The following AIFM2 variants were observed in gnomAD, a reference collection of about 807,000 sequenced individuals.
AIFM2 encodes ferroptosis suppressor protein 1.
AIFM2 carries 38 observed loss-of-function variants against 35.7 expected under a neutral mutation model. The ratio of observed to expected loss-of-function variants is 1.06; its 90% CI spans 0.82 to 1.39. The LOEUF (loss-of-function observed/expected upper bound fraction) is 1.39. Ranked by LOEUF, AIFM2 falls within the 40% of genes most tolerant of loss-of-function variation. AIFM2 has a pLI of 0.00. For missense variants in AIFM2, 476 were observed against 491.2 expected (o/e 0.97, Z 0.29); for synonymous variants, 185 against 203.5 (o/e 0.91, Z 0.77).
intron 1 of AIFM2, among the ~76,000 whole-genome samples, chr10:70,128,651 C>T (rs976195460): frequency 6.6e-6 from 1 of 152,236 alleles, no homozygotes; most frequent in Admixed American, 6.5e-5. Flanking sequence ...GTGCGAGCCA[C>T]TGTGCCCAGC....
At position 70,123,911 on chromosome 10, in the gene AIFM2, C is replaced by A; in HGVS notation, c.174G>T (p.Glu58Asp). ...HNVAALRASV[E>D]TGFAKKTFIS... ...CCCCAGACGGGAGCACATTACCTGT[C>A]TCCACGGAGGCTCGGAGAGCAGCCA... is the stretch of plus-strand genomic sequence containing the variant. Residue 58 changes from glutamate (E) to aspartate (D), a missense_variant, in exon 2 of 9, where the codon GAG becomes GAT. Transcript: ENST00000307864. The A allele has an allele frequency of 6.3e-7, 1 of 1,579,472 alleles. No individual in the cohort carries two copies. The highest frequency in any genetic ancestry group is 8.6e-7 in the Non-Finnish European group (1 of 1,157,518).
chr10:70,118,258 C>T (rs1301983757), intron 5 of AIFM2: 1 of 220,532 alleles, frequency 4.5e-6, no homozygotes, highest in Non-Finnish European at 8.9e-6. Flanking sequence ...ATGGGCATTC[C>T]AACAGTCAAT....
chr10:70,130,094 G>A (rs1223467283), intron 1 of AIFM2, among the ~76,000 whole-genome samples: 1 of 152,064 alleles, frequency 6.6e-6, no homozygotes, highest in Non-Finnish European at 1.5e-5. Flanking sequence ...GAGGTGGGAG[G>A]ATCGCTTGAG....
chr10:70,114,456 T>G, intron 8 of AIFM2, 127 bp from the exon 9 acceptor site: 1 of 1,206,278 alleles, frequency 8.3e-7, no homozygotes, highest in Non-Finnish European at 1.2e-6. Context: ...TTTAGGAAGG[T>G]GGGTGAGACC....
At chr10:70,123,883 C>G (rs757113594) in intron 2 of AIFM2, 24 bp downstream of exon 2, 3 of 1,511,152 alleles carry the variant, frequency 2.0e-6, no homozygotes, top group Non-Finnish European at 2.7e-6. Context: ...CTCACAGAGA[C>G]AGCCCCAGAC....
chr10:70,114,407 C>G, intron 8 of AIFM2, 78 bp from the exon 9 acceptor site: 1 of 1,567,488 alleles, frequency 6.4e-7, no homozygotes, highest in Non-Finnish European at 8.7e-7. Flanking sequence ...CCGATCCTTC[C>G]CGAGGCCTTC....
intron 1 of AIFM2, among the ~76,000 whole-genome samples, chr10:70,129,047 G>A (rs745964430): frequency 6.6e-6 from 1 of 151,640 alleles, no homozygotes; most frequent in Non-Finnish European, 1.5e-5. Flanking sequence ...CTTAGGGACA[G>A]GGTCTTGCTC....
rs1006084742 is a variant in AIFM2 at position 70,132,734 on chromosome 10, C to T, written c.-14G>A. 6.5e-6 allele frequency: 1 copy of T among 153,006 alleles called. No homozygotes were observed. Among genetic ancestry groups the T allele is most frequent in the African/African-American group, 2.4e-5 (1 of 41,292 alleles). 9.5% of individuals were successfully genotyped at this position (153,006 alleles called of 1,614,324 possible). A position where few individuals can be genotyped will look rare whatever the true frequency, so the allele number is the denominator to read the frequency against. On this transcript the variant is annotated splice_region_variant and 5_prime_UTR_variant, in exon 1 of 9. The change creates a new upstream start codon in the 5' untranslated region. Coordinates refer to ENST00000307864, the MANE Select transcript of AIFM2 (RefSeq NM_032797.6). ...AGCCCGCCTGGCGGCGCGATCTCAC[C>T]TGTCGGCCGCGCCCGCGCGCTCTCG...
intron 7 of AIFM2, 94 bp from the exon 8 acceptor site, chr10:70,115,214 A>G (rs2072422497): frequency 7.4e-7 from 1 of 1,359,286 alleles, no homozygotes; most frequent in South Asian, 1.2e-5. Flanking sequence ...ACACTGGTCA[A>G]TAGGTGCTGG....
Position 70,120,559 on chromosome 10 carries a change from G to A in AIFM2, c.455C>T (p.Ser152Leu), listed in dbSNP as rs764906460. ...SRFIVVVGGG[S>L]AGVEMAAEIK... ...CTCTGCTGCCATCTCCACTCCAGCCGAGCCTCCTCCCACCACCACGATGAA... is the reference window on the plus strand; with the variant it reads ...CTCTGCTGCCATCTCCACTCCAGCCAAGCCTCCTCCCACCACCACGATGAA... Residue 152 changes from serine to leucine, a missense_variant, in exon 5 of 9, where the codon TCG (serine) becomes TTG (leucine). Transcript: ENST00000307864. The A allele has an allele frequency of 5.0e-6, 8 of 1,614,086 alleles. No individual in the cohort carries two copies. In the African/African-American group the frequency reaches 5.3e-5, roughly 11 times the overall value.
chr10:70,121,439 A>G (rs2072505115), intron 3 of AIFM2, among the ~76,000 whole-genome samples: 1 of 152,112 alleles, frequency 6.6e-6, no homozygotes, highest in Non-Finnish European at 1.5e-5. Flanking sequence ...CTAAGGAAGT[A>G]GAGTTTACCT....
At chr10:70,116,856 G>A (rs2271692) in intron 6 of AIFM2, 82 bp from the exon 7 acceptor site, 30,621 of 1,566,416 alleles carry the variant, frequency 0.02, 1,428 homozygotes, top group East Asian at 0.15. Flanking sequence ...CTAACCCTGG[G>A]GAGGGCCTGG....
rs2072641358 is a variant in AIFM2, at chr10:70,132,764, G to GCTCCCGCTCCC, written c.-45_-44insGGGAGCGGGAG. On this transcript the variant is annotated 5_prime_UTR_variant, in exon 1 of 9. Coordinates refer to ENST00000307864, the MANE Select transcript of AIFM2 (RefSeq NM_032797.6). ...GGCCGCGCCCGCGCGCTCTCGCTCC[G>GCTCCCGCTCCC]GCTCCCGCTCCCGCTCCCGCTCCCG... The GCTCCCGCTCCC allele has an allele frequency of 2.0e-5, 3 of 152,486 alleles. No homozygotes were observed. The highest frequency in any genetic ancestry group is 7.3e-5 in the African/African-American group (3 of 41,168). 9.4% of individuals were successfully genotyped at this position (152,486 alleles called of 1,614,324 possible).
In AIFM2 at chr10:70,114,209, C is replaced by G; in HGVS notation, c.1091G>C (p.Ser364Thr). 4.3e-6 allele frequency: 7 copies of G among 1,613,642 alleles called. No individual in the cohort carries two copies. The highest frequency in any genetic ancestry group is 5.9e-6 in the Non-Finnish European group (7 of 1,179,912). Residue 364 changes from serine (S) to threonine (T), a missense_variant, in exon 9 of 9, where the codon AGC becomes ACC. By Grantham distance (58) the Ser-to-Thr change is moderately conservative. Coordinates refer to ENST00000307864, the MANE Select transcript of AIFM2 (RefSeq NM_032797.6). ...TKSRDLFVSTSWKTMRQSPP is the reference protein window; with the variant it reads ...TKSRDLFVSTTWKTMRQSPP Reference sequence around the variant, plus strand: ...TGGAGACTGCCTCATGGTTTTCCAGCTCGTAGAGACGAACAGGTCCCGGCT... The same window carrying G: ...TGGAGACTGCCTCATGGTTTTCCAGGTCGTAGAGACGAACAGGTCCCGGCT...
chr10:70,117,911 T>G lies in AIFM2; in HGVS notation c.517A>C (p.Ile173Leu). The G allele has an allele frequency of 6.2e-7, 1 of 1,608,300 alleles. No individual in the cohort carries two copies. Among genetic ancestry groups the G allele is most frequent in the Non-Finnish European group, 8.5e-7 (1 of 1,177,670 alleles). The change falls in exon 6 of 9, where the codon ATT (isoleucine) becomes CTT (leucine). Residue 173 changes from isoleucine to leucine, a missense_variant. By Grantham distance (5) the Ile-to-Leu change is conservative. Coordinates refer to ENST00000307864, the MANE Select transcript of AIFM2 (RefSeq NM_032797.6). This position sits in a 1 kb window ranked among gnomAD's most constrained non-coding sequence, Gnocchi z 4.7. Reference protein sequence around the residue: ...TEYPEKEVTLIHSQVALADKE... With the variant: ...TEYPEKEVTLLHSQVALADKE... ...TCAGCCAGGGCCACTTGGGAGTGAA[T>G]GAGAGTGACCTGAGGACAAAACGAC...
intron 3 of AIFM2, 143 bp downstream of exon 3, chr10:70,123,262 G>A (rs897111525): frequency 4.2e-5 from 26 of 618,314 alleles, no homozygotes; most frequent in African/African-American, 1.1e-4. Flanking sequence ...CAGGTGATCC[G>A]CCCGCCTTGG....
chr10:70,122,904 T>C (rs1232204777), intron 3 of AIFM2, among the ~76,000 whole-genome samples: 1 of 152,236 alleles, frequency 6.6e-6, no homozygotes, highest in East Asian at 1.9e-4. Context: ...CATGCAGGAA[T>C]TACACAAGAA....
chr10:70,114,974 C>A lies in AIFM2; in HGVS notation c.916G>T (p.Val306Leu), dbSNP rs749562741. Residue 306 changes from valine to leucine, a missense_variant, in exon 8 of 9, where the codon GTG becomes TTG. Transcript: ENST00000307864. Reference protein sequence around the residue: ...YLAGLHANIAVANIVNSVKQR... With the variant: ...YLAGLHANIALANIVNSVKQR... ...TTCACAGAGTTGACGATGTTGGCCA[C>A]GGCGATGTTGGCGTGGAGGCCGGCA... 6.2e-7 allele frequency: 1 copy of A among 1,614,198 alleles called. No homozygotes were observed. Among genetic ancestry groups the A allele is most frequent in the East Asian group, 2.2e-5 (1 of 44,876 alleles).
In AIFM2 at chr10:70,117,779, G is replaced by A. The variant is rs760867155; in HGVS notation, c.616+33C>T. ...CCAAGCCACATCTCACCAGGCCAGG[G>A]CAGGGCAGGGAGGGAGGTGAGGGTG... On this transcript the variant is annotated intron_variant, in intron 6 of 8. Transcript: ENST00000307864. The surrounding 1 kb of genome is among the most constrained non-coding windows in gnomAD (Gnocchi z 4.7). 2 of 1,548,876 alleles carry A rather than the reference G, an allele frequency of 1.3e-6. No homozygotes were observed. The highest frequency in any genetic ancestry group is 1.4e-5 in the African/African-American group (1 of 72,482).
Sources: allele counts gnomAD v4.1 joint callset (sites outside exome capture counted in the v4.1 genomes callset), GRCh38; gene constraint gnomAD v4.1.1; non-coding constraint Gnocchi (gnomAD v3.1); transcripts MANE v1.5; gene names NCBI Gene and HGNC (gene_info 2026-07-23, HGNC 2026-07-21).